The following CHRM3 variants were observed in gnomAD, a reference collection of about 807,000 sequenced individuals.
CHRM3 encodes cholinergic receptor muscarinic 3, also known as muscarinic acetylcholine receptor M3.
CHRM3 carries 11 observed loss-of-function variants against 41.8 expected under a neutral mutation model. The observed-to-expected ratio is 0.26, with a 90% CI of 0.17 to 0.44. The LOEUF is 0.44. CHRM3 is among the 20% of genes least tolerant of loss of function. The pLI is 1.00. For synonymous variants in CHRM3, 297 were observed against 301.4 expected (o/e 0.99, Z 0.15); for missense variants, 571 against 745.4 (o/e 0.77, Z 2.72).
intron 5 of CHRM3, among the ~76,000 whole-genome samples, chr1:239,708,089 G>A (rs553305045): frequency 2.0e-5 from 3 of 152,332 alleles, no homozygotes; most frequent in East Asian, 3.9e-4. Context: ...GGGAGAAGAC[G>A]TGGCCTGAAG....
chr1:239,728,850 G>T (rs909035439), intron 5 of CHRM3, among the ~76,000 whole-genome samples: 1 of 151,924 alleles, frequency 6.6e-6, no homozygotes, highest in Non-Finnish European at 1.5e-5. Context: ...TTAAGCCAAT[G>T]TGGATTCATT....
At chr1:239,679,993 G>A (rs926479254) in intron 5 of CHRM3, among the ~76,000 whole-genome samples, 11 of 152,088 alleles carry the variant, frequency 7.2e-5, no homozygotes, top group African/African-American at 2.4e-4. Context: ...AGGGTGGACC[G>A]CGGGCTTCAG....
At chr1:239,505,336 A>G (rs913236300) in intron 2 of CHRM3, among the ~76,000 whole-genome samples, 1 of 152,018 alleles carries the variant, frequency 6.6e-6, no homozygotes, top group African/African-American at 2.4e-5. Flanking sequence ...TCCCCACCCA[A>G]ATCTCATCTT....
chr1:239,700,223 ATATAATGT>A (rs775039182), intron 5 of CHRM3, among the ~76,000 whole-genome samples: 26 of 152,134 alleles, frequency 1.7e-4, no homozygotes, highest in South Asian at 2.1e-4. Context: ...ACTGGGTGTG[ATATAATGT>A]TAGAATCTCA....
chr1:239,399,367 T>C (rs1044340204), intron 1 of CHRM3, among the ~76,000 whole-genome samples: 42 of 151,536 alleles, frequency 2.8e-4, no homozygotes, highest in African/African-American at 9.5e-4. Flanking sequence ...GAGAATGTTA[T>C]AAGATCTATT....
rs1014098589 is a variant in CHRM3, at chr1:239,445,373, C to T, written c.-520-47336C>T. On this transcript the variant is annotated intron_variant, in intron 1 of 6. Transcript: ENST00000676153. ...TGGAACTTAACAGAGAGTGATCAGC[C>T]GTGTGGCAGAGAAGTTTCAGGACTC... Among the ~76,000 whole-genome samples, 3 of 152,036 alleles carry T rather than the reference C, an allele frequency of 2.0e-5. No homozygotes were observed. The East Asian group carries it at 5.8e-4, about 29-fold the overall frequency.
chr1:239,507,079 G>A (rs114780252), intron 2 of CHRM3, among the ~76,000 whole-genome samples: 25 of 152,242 alleles, frequency 1.6e-4, no homozygotes, highest in Middle Eastern at 3.4e-3. Context: ...AGGGACTTGC[G>A]TTGTTTTTGA....
chr1:239,843,945 G>A (rs951881628), intron 6 of CHRM3, among the ~76,000 whole-genome samples: 13 of 151,978 alleles, frequency 8.6e-5, no homozygotes, highest in Non-Finnish European at 1.9e-4. Context: ...TCTATATATA[G>A]ACACACATAC....
intron 1 of CHRM3, among the ~76,000 whole-genome samples, chr1:239,418,149 G>A (rs1205773700): frequency 6.6e-6 from 1 of 152,134 alleles, no homozygotes; most frequent in East Asian, 1.9e-4. Context: ...GAGCCCCCTG[G>A]GAGAGGACTA....
intron 5 of CHRM3, among the ~76,000 whole-genome samples, chr1:239,715,648 G>A (rs1662274684): frequency 6.6e-6 from 1 of 152,074 alleles, no homozygotes; most frequent in South Asian, 2.1e-4. Flanking sequence ...CAGATAAAGA[G>A]GGAGGAAGGT....
At chr1:239,777,189 A>G (rs190237651) in intron 5 of CHRM3, among the ~76,000 whole-genome samples, 1 of 152,336 alleles carries the variant, frequency 6.6e-6, no homozygotes. Flanking sequence ...GAGCCATAAG[A>G]AAGTGGAAGA....
At chr1:239,516,316 A>C (rs1285791530) in intron 2 of CHRM3, among the ~76,000 whole-genome samples, 1 of 152,220 alleles carries the variant, frequency 6.6e-6, no homozygotes, top group Non-Finnish European at 1.5e-5. Flanking sequence ...TGAAAAAATC[A>C]TTTTAAAGCT....
At chr1:239,451,615 AT>A (rs1664560656) in intron 1 of CHRM3, among the ~76,000 whole-genome samples, 5 of 152,246 alleles carry the variant, frequency 3.3e-5, no homozygotes, top group African/African-American at 7.2e-5. Context: ...TCTGGAACAT[AT>A]TTTTTTAATC....
intron 6 of CHRM3, among the ~76,000 whole-genome samples, chr1:239,892,522 A>G (rs1357549565): frequency 6.6e-6 from 1 of 152,168 alleles, no homozygotes; most frequent in Non-Finnish European, 1.5e-5. Context: ...ATCCTTGCAT[A>G]TTTATTAATT....
At chr1:239,808,693 A>G (rs1670862669) in intron 5 of CHRM3, among the ~76,000 whole-genome samples, 1 of 152,194 alleles carries the variant, frequency 6.6e-6, no homozygotes, top group African/African-American at 2.4e-5. Context: ...GATTTTATTC[A>G]TAATCTCAGG....
rs546913904 is a variant in CHRM3, at chr1:239,747,905, C to T, written c.-147+69617C>T. Among the ~76,000 whole-genome samples the T allele has an allele frequency of 9.9e-5, 15 of 152,220 alleles. No homozygotes were observed. The East Asian group carries it at 2.9e-3, about 30-fold the overall frequency. ...AAAAAAAATTAGCTGGGCATGGTGT[C>T]ACGTGCCTGTAATCCCAGCTACTTG... On this transcript the variant is annotated intron_variant, in intron 5 of 6. Transcript: ENST00000676153.
At chr1:239,795,983 A>G (rs2148890369) in intron 5 of CHRM3, among the ~76,000 whole-genome samples, 1 of 152,320 alleles carries the variant, frequency 6.6e-6, no homozygotes, top group South Asian at 2.1e-4. Flanking sequence ...AGTGACATTT[A>G]CATTCTGGCT....
intron 4 of CHRM3, among the ~76,000 whole-genome samples, chr1:239,674,596 G>T (rs1407649101): frequency 1.3e-5 from 2 of 151,158 alleles, no homozygotes; most frequent in Non-Finnish European, 2.9e-5. Flanking sequence ...TGTAGTCCCA[G>T]CTACTCTGAA....
intron 5 of CHRM3, among the ~76,000 whole-genome samples, chr1:239,779,133 G>C (rs747720074): frequency 4.6e-5 from 7 of 152,088 alleles, no homozygotes; most frequent in Non-Finnish European, 7.4e-5. Flanking sequence ...TTATTTGTTT[G>C]TTTGTTTCTT....
Sources: gnomAD v4.1 joint callset for allele counts (sites outside exome capture counted in the v4.1 genomes callset) on GRCh38, gnomAD v4.1.1 for gene constraint, MANE v1.5 for transcripts, NCBI Gene and HGNC (gene_info 2026-07-23, HGNC 2026-07-21) for gene names.